The following BOC variants were observed in gnomAD, a reference collection of about 807,000 sequenced individuals.
BOC encodes BOC cell adhesion associated, oncogene regulated.
A neutral mutation model predicts 112.0 loss-of-function variants in BOC; 76 were observed. That is an observed-to-expected ratio of 0.68 (90% CI 0.56 to 0.82). The LOEUF is 0.82. Among genes scored for constraint, BOC ranks in the 40% least tolerant of loss-of-function variants. BOC has a pLI of 0.00. For synonymous variants in BOC, 580 were observed against 599.8 expected (o/e 0.97, Z 0.48); for missense variants, 1,309 against 1,511.7 (o/e 0.87, Z 2.22).
chr3:113,242,412 C>G (rs1312583005), intron 2 of BOC, among the ~76,000 whole-genome samples: 4 of 152,096 alleles, frequency 2.6e-5, no homozygotes, highest in African/African-American at 4.8e-5. Flanking sequence ...ACTTTTTCCT[C>G]CAGTGCTGGA....
intron 1 of BOC, chr3:113,212,415 A>C (rs1247641590): frequency 6.6e-6 from 1 of 152,112 alleles, no homozygotes; most frequent in Admixed American, 6.5e-5. Context: ...ACTTCCACCG[A>C]AGGTTGACAC....
At chr3:113,248,472 C>T (rs966758972) in intron 2 of BOC, among the ~76,000 whole-genome samples, 4 of 152,176 alleles carry the variant, frequency 2.6e-5, no homozygotes, top group East Asian at 1.9e-4. Flanking sequence ...ATGTCACACT[C>T]CTAGAAATAT....
chr3:113,250,780 C>T lies in BOC; in HGVS notation c.323C>T (p.Ala108Val). 6.2e-7 allele frequency: 1 copy of T among 1,614,114 alleles called. No individual in the cohort carries two copies. Among genetic ancestry groups the T allele is most frequent in the Non-Finnish European group, 8.5e-7 (1 of 1,180,018 alleles). ...NHTVGRYQCV[A>V]RMPAGAVASV... is the part of the protein sequence containing the mutation. ...ACTGTGGGACGGTACCAGTGTGTGG[C>T]CCGGATGCCTGCGGGGGCTGTGGCC... The change falls in exon 4 of 20, where the codon GCC (alanine) becomes GTC (valine). Residue 108 changes from alanine to valine, a missense_variant. Physicochemically the swap from Ala to Val is moderately conservative, Grantham distance 64. Coordinates refer to ENST00000682979, the MANE Select transcript of BOC (RefSeq NM_001378074.1).
intron 7 of BOC, 49 bp downstream of exon 7, chr3:113,272,752 G>C: frequency 6.3e-7 from 1 of 1,587,606 alleles, no homozygotes; most frequent in Non-Finnish European, 8.6e-7. Context: ...TCTCTGGTCT[G>C]TGCAGCCTTT....
In BOC at chr3:113,284,536, C is replaced by A. The variant is rs776292105; in HGVS notation, c.2858C>A (p.Pro953His). Residue 953 changes from proline (P) to histidine (H), a missense_variant, in exon 17 of 20, where the codon CCC (proline) becomes CAC (histidine). By Grantham distance (77) the Pro-to-His change is moderately conservative (BLOSUM62 -2). Transcript: ENST00000682979. ...GCAGTGGGCTACCCGGGCATGAAGC[C>A]CCAGCAGCACTGCCCAGGCGAGCTT... ...SAAVGYPGMK[P>H]QQHCPGELQQ... is the part of the protein sequence containing the mutation. 8.7e-6 allele frequency: 14 copies of A among 1,613,864 alleles called. No homozygotes were observed. In the South Asian group the frequency reaches 1.1e-4, roughly 13 times the overall value.
At chr3:113,259,448 T>G (rs1349369630) in intron 4 of BOC, among the ~76,000 whole-genome samples, 3 of 152,166 alleles carry the variant, frequency 2.0e-5, no homozygotes, top group African/African-American at 4.8e-5. Context: ...CTGGACTCCT[T>G]TAAGGAGCAT....
intron 2 of BOC, among the ~76,000 whole-genome samples, chr3:113,237,252 A>G (rs1943688427): frequency 6.6e-6 from 1 of 152,224 alleles, no homozygotes; most frequent in Non-Finnish European, 1.5e-5. Context: ...TGGGCTCAGC[A>G]CATCATGGGA....
At chr3:113,240,071 T>A (rs924409053) in intron 2 of BOC, among the ~76,000 whole-genome samples, 1 of 152,166 alleles carries the variant, frequency 6.6e-6, no homozygotes, top group East Asian at 1.9e-4. Context: ...AACTGCATGA[T>A]ACTTAGGTTT....
At chr3:113,262,205 A>T (rs1448262290) in intron 4 of BOC, among the ~76,000 whole-genome samples, 1 of 152,224 alleles carries the variant, frequency 6.6e-6, no homozygotes, top group Non-Finnish European at 1.5e-5. Context: ...AGGGAGGAGC[A>T]GTACTCACTC....
chr3:113,281,085 T>C lies in BOC; in HGVS notation c.2366T>C (p.Ile789Thr). The C allele has an allele frequency of 6.2e-7, 1 of 1,614,036 alleles. No individual in the cohort carries two copies. Among genetic ancestry groups the C allele is most frequent in the South Asian group, 1.1e-5 (1 of 91,064 alleles). The change falls in exon 15 of 20, where the codon ATT (isoleucine) becomes ACT (threonine). Residue 789 changes from isoleucine to threonine, a missense_variant. Transcript: ENST00000682979. The stretch of plus-strand genomic sequence containing the variant: ...CTGCAGCCAGAGACCTCCTACGACA[T>C]TAAGATGCAGTGCTTCAATGAAGGA... ...SHLQPETSYD[I>T]KMQCFNEGGE... is the part of the protein sequence containing the mutation.
intron 19 of BOC, 149 bp downstream of exon 19, chr3:113,285,714 T>TG: frequency 1.2e-6 from 1 of 826,328 alleles, no homozygotes; most frequent in Non-Finnish European, 1.8e-6. Flanking sequence ...GCATCGAGGG[T>TG]GGCTGGCCAC....
intron 4 of BOC, among the ~76,000 whole-genome samples, chr3:113,266,603 C>G (rs1054461980): frequency 6.6e-6 from 1 of 152,194 alleles, no homozygotes; most frequent in African/African-American, 2.4e-5. Context: ...CATCTTGTAC[C>G]TAACTCGTGG....
At chr3:113,213,414 AT>A (rs1222047626) in intron 1 of BOC, among the ~76,000 whole-genome samples, 1 of 152,244 alleles carries the variant, frequency 6.6e-6, no homozygotes, top group East Asian at 1.9e-4. Context: ...TTTCTGATTT[AT>A]TCCACGACTG....
intron 1 of BOC, among the ~76,000 whole-genome samples, chr3:113,213,274 T>G (rs1046582269): frequency 1.3e-5 from 2 of 152,048 alleles, no homozygotes; most frequent in Non-Finnish European, 2.9e-5. Context: ...ATATTTTGAT[T>G]TCAGGCCCTT....
intron 9 of BOC, among the ~76,000 whole-genome samples, chr3:113,276,196 CTAA>C (rs1948650856): frequency 6.6e-6 from 1 of 152,202 alleles, no homozygotes; most frequent in East Asian, 1.9e-4. Context: ...GAGAGCAAGA[CTAA>C]TATTTTTCAG....
At chr3:113,272,876 C>T (rs537991958) in intron 7 of BOC, among the ~76,000 whole-genome samples, 173 bp downstream of exon 7, 30 of 152,010 alleles carry the variant, frequency 2.0e-4, no homozygotes, top group South Asian at 2.1e-4. Context: ...AGTAAGAGCA[C>T]GCAGTCCTGG....
intron 2 of BOC, among the ~76,000 whole-genome samples, chr3:113,240,869 A>G (rs1232362739): frequency 6.6e-6 from 1 of 152,072 alleles, no homozygotes; most frequent in East Asian, 1.9e-4. Context: ...CTTCCAGCAG[A>G]TATACTTGTG....
intron 2 of BOC, among the ~76,000 whole-genome samples, chr3:113,244,261 A>G (rs887220345): frequency 1.3e-5 from 2 of 152,096 alleles, no homozygotes; most frequent in African/African-American, 2.4e-5. Context: ...AGTACCTTGC[A>G]TATTGTGTTG....
At position 113,281,012 on chromosome 3, in the gene BOC, C is replaced by T. The variant is rs373023129; in HGVS notation, c.2312-19C>T. 1 of 1,613,264 alleles carries T rather than the reference C, an allele frequency of 6.2e-7. No individual in the cohort carries two copies. Among genetic ancestry groups the T allele is most frequent in the Non-Finnish European group, 8.5e-7 (1 of 1,179,804 alleles). On this transcript the variant is annotated intron_variant, in intron 14 of 19. Transcript: ENST00000682979. ...CATATACACATTGCCATGCACCATTCTCTGACTCTGTTTCCCAGGGGACAA... is the reference window on the plus strand; with the variant it reads ...CATATACACATTGCCATGCACCATTTTCTGACTCTGTTTCCCAGGGGACAA...
Sources: gnomAD v4.1 joint callset for allele counts (sites outside exome capture counted in the v4.1 genomes callset) on GRCh38, gnomAD v4.1.1 for gene constraint, MANE v1.5 for transcripts, NCBI Gene and HGNC (gene_info 2026-07-23, HGNC 2026-07-21) for gene names.